Variants in RGMA observed in about 807,000 individuals in gnomAD.
RGMA encodes the protein repulsive guidance molecule A.
Under a neutral mutation model 23.2 loss-of-function variants are expected in RGMA, and 10 were observed. The ratio of observed to expected loss-of-function variants is 0.43; its 90% confidence interval spans 0.27 to 0.73. The LOEUF (loss-of-function observed/expected upper bound fraction) is 0.73. Ranked by LOEUF, RGMA falls within the 30% of genes least tolerant of loss-of-function variation. RGMA has a pLI of 0.20. For synonymous variants in RGMA, 308 were observed against 279.3 expected (o/e 1.10, Z -1.03); for missense variants, 547 against 630.5 (o/e 0.87, Z 1.42).
chr15:93,077,897 AG>A (rs1485405308), intron 1 of RGMA, among the ~76,000 whole-genome samples: 1 of 152,192 alleles, frequency 6.6e-6, no homozygotes, highest in East Asian at 1.9e-4. Context: ...CAGTAGAGAC[AG>A]GGTTTCACCA....
intron 2 of RGMA, among the ~76,000 whole-genome samples, chr15:93,063,934 A>G (rs1350064270): frequency 6.6e-6 from 1 of 152,222 alleles, no homozygotes; most frequent in Non-Finnish European, 1.5e-5. Flanking sequence ...GAGCTCAGGC[A>G]GGAGGTACTG....
intron 3 of RGMA, among the ~76,000 whole-genome samples, chr15:93,048,426 T>C (rs2054863151): frequency 6.6e-6 from 1 of 152,126 alleles, no homozygotes; most frequent in South Asian, 2.1e-4. Flanking sequence ...GCGCTGTGCT[T>C]TCTGTGCCTG....
intron 3 of RGMA, among the ~76,000 whole-genome samples, chr15:93,049,006 G>A (rs1225919007): frequency 6.6e-6 from 1 of 152,254 alleles, no homozygotes; most frequent in Non-Finnish European, 1.5e-5. Flanking sequence ...CAGCCTCCTG[G>A]AAGGCTGACA....
intron 2 of RGMA, among the ~76,000 whole-genome samples, chr15:93,054,485 A>G (rs527704486): frequency 1.5e-5 from 2 of 132,024 alleles, no homozygotes; most frequent in South Asian, 3.0e-4. Flanking sequence ...GTGGTAGTGA[A>G]TAAGTCTCAT....
rs183338401 is a variant in RGMA at position 93,048,414 on chromosome 15, C to T, written c.646-2709G>A. On this transcript the variant is annotated intron_variant, in intron 3 of 3. Transcript: ENST00000329082. ...CATGAGCCCGTTCATCTTGGGCACC[C>T]GGCGCTGTGCTTTCTGTGCCTGATG... is the stretch of plus-strand genomic sequence containing the variant. 8.5e-5 allele frequency among the ~76,000 whole-genome samples: 13 copies of T among 152,266 alleles called. No individual in the cohort carries two copies. The East Asian group carries it at 1.2e-3, about 14-fold the overall frequency.
At chr15:93,073,706 G>C in intron 1 of RGMA, 3 of 1,537,226 alleles carry the variant, frequency 2.0e-6, no homozygotes, top group Non-Finnish European at 2.6e-6. Flanking sequence ...CTGCATCTCA[G>C]CTACTAACGC....
rs770975552 is a variant in RGMA, at chr15:93,040,670, C to G, written c.*4328G>C. Reference sequence around the variant, plus strand: ...TACCATGGGACCCTGGGTTTTGTAACTGTGGTTTATTGCCTTGTCTTTCCA... The same window carrying G: ...TACCATGGGACCCTGGGTTTTGTAAGTGTGGTTTATTGCCTTGTCTTTCCA... On this transcript the variant is annotated 3_prime_UTR_variant, in exon 4 of 4. Transcript: ENST00000329082. 6.6e-6 allele frequency: 1 copy of G among 152,276 alleles called. No individual in the cohort carries two copies. Among genetic ancestry groups the G allele is most frequent in the African/African-American group, 2.4e-5 (1 of 41,444 alleles). The allele number at this position is 152,276 out of a possible 1,614,324, so 9.4% of individuals were successfully genotyped here. A position where few individuals can be genotyped will look rare whatever the true frequency, so the allele number is the denominator to read the frequency against.
chr15:93,088,898 C>A (rs1294006379), intron 1 of RGMA, 21 bp downstream of exon 1: 1 of 1,479,812 alleles, frequency 6.8e-7, no homozygotes, highest in Non-Finnish European at 8.9e-7. Flanking sequence ...CGGGTCTGCC[C>A]GGCTCCCGAC....
At position 93,036,455 on chromosome 15, in the gene RGMA, C is replaced by T. The variant is rs555550279; in HGVS notation, c.*8543G>A. On this transcript the variant is annotated 3_prime_UTR_variant, in exon 4 of 4. Transcript: ENST00000329082. Reference sequence around the variant, plus strand: ...AGGCGGTTGCCGGAGTTTTCCTGCTCCACCCTGGGGAGGGACCCCTGGCCC... The same window carrying T: ...AGGCGGTTGCCGGAGTTTTCCTGCTTCACCCTGGGGAGGGACCCCTGGCCC... 6.6e-5 allele frequency: 10 copies of T among 152,458 alleles called. 1 individual carries two copies. Among genetic ancestry groups the T allele is most frequent in the Admixed American group, 6.5e-4 (10 of 15,310 alleles). 9.4% of individuals were successfully genotyped at this position (152,458 alleles called of 1,614,324 possible).
intron 1 of RGMA, among the ~76,000 whole-genome samples, chr15:93,086,954 G>C (rs562960269): frequency 1.3e-5 from 2 of 152,138 alleles, no homozygotes. Flanking sequence ...CTAAGACCTC[G>C]TCTGTCACAA....
chr15:93,036,944 A>C lies in RGMA; in HGVS notation c.*8054T>G, dbSNP rs2054667838. The C allele has an allele frequency of 6.6e-6, 1 of 152,140 alleles. No homozygotes were observed. 9.4% of individuals were successfully genotyped at this position (152,140 alleles called of 1,614,324 possible). A position where few individuals can be genotyped will look rare whatever the true frequency, so the allele number is the denominator to read the frequency against. On this transcript the variant is annotated 3_prime_UTR_variant, in exon 4 of 4. Coordinates refer to ENST00000329082, the MANE Select transcript of RGMA (RefSeq NM_020211.3). ...AATGCAGGACTCGTTTCTATTTCCCAAGGAGGTAGACGTGGTGTCCAGAGG... is the reference window on the plus strand; with the variant it reads ...AATGCAGGACTCGTTTCTATTTCCCCAGGAGGTAGACGTGGTGTCCAGAGG...
intron 3 of RGMA, among the ~76,000 whole-genome samples, chr15:93,047,503 C>T (rs944191084): frequency 5.3e-5 from 8 of 152,306 alleles, no homozygotes; most frequent in Non-Finnish European, 1.2e-4. Flanking sequence ...TGCTGCACTA[C>T]CCTCTCCCAG....
intron 1 of RGMA, among the ~76,000 whole-genome samples, chr15:93,075,075 A>G (rs12900270): frequency 0.23 from 34,453 of 151,232 alleles, 4,680 homozygotes; most frequent in East Asian, 0.56. Context: ...TTGCCCAAGA[A>G]TGGACTTTTC....
intron 2 of RGMA, among the ~76,000 whole-genome samples, chr15:93,061,764 A>T (rs1055665121): frequency 2.6e-5 from 4 of 152,216 alleles, no homozygotes; most frequent in African/African-American, 9.6e-5. Flanking sequence ...TGCACCAATG[A>T]AGCACTAGCT....
At position 93,045,125 on chromosome 15, in the gene RGMA, T is replaced by A. The variant is rs2054798502; in HGVS notation, c.1226A>T (p.Asp409Val). 1.9e-6 allele frequency: 3 copies of A among 1,596,278 alleles called. No individual in the cohort carries two copies. The highest frequency in any genetic ancestry group is 2.6e-6 in the Non-Finnish European group (3 of 1,171,502). Residue 409 changes from aspartate (D) to valine (V), a missense_variant, in exon 4 of 4, where the codon GAC becomes GTC. Physicochemically the swap from Asp to Val is radical, Grantham distance 152. This residue lies in a region of RGMA where 205 missense variants were observed against 204.1 expected (regional missense o/e 1.00). Transcript: ENST00000329082. This position sits in a 1 kb window ranked among gnomAD's most constrained non-coding sequence, Gnocchi z 6.9. ...EDVKMLHSNK[D>V]KLHLYERTRD... is the part of the protein sequence containing the mutation. ...AGTCCTCTCATACAGGTGCAGTTTG[T>A]CTTTGTTGGAGTGGAGCATCTTGAC...
chr15:93,059,393 T>A (rs2055066688), intron 2 of RGMA, among the ~76,000 whole-genome samples: 1 of 152,326 alleles, frequency 6.6e-6, no homozygotes, highest in Non-Finnish European at 1.5e-5. Flanking sequence ...GTTTCCCAGG[T>A]GTCCCAAACT....
At chr15:93,087,961 T>G (rs759759829) in intron 1 of RGMA, among the ~76,000 whole-genome samples, 1 of 152,108 alleles carries the variant, frequency 6.6e-6, no homozygotes, top group Non-Finnish European at 1.5e-5. Flanking sequence ...TGCGGGAGAC[T>G]ACTTTGAGAA....
intron 3 of RGMA, among the ~76,000 whole-genome samples, chr15:93,046,378 A>C (rs929898831): frequency 1.3e-5 from 2 of 152,334 alleles, no homozygotes; most frequent in Non-Finnish European, 2.9e-5. Context: ...AGTCTCCAGG[A>C]CCAGCCCTGC....
chr15:93,074,935 C>T (rs1280848328), intron 1 of RGMA, among the ~76,000 whole-genome samples: 2 of 152,154 alleles, frequency 1.3e-5, no homozygotes, highest in Non-Finnish European at 2.9e-5. Context: ...ACTGGCATTC[C>T]AAGTCACCTG....
Sources: allele counts gnomAD v4.1 joint callset (sites outside exome capture counted in the v4.1 genomes callset), GRCh38; gene constraint gnomAD v4.1.1; regional missense constraint gnomAD v4.1.1; non-coding constraint Gnocchi (gnomAD v3.1); transcripts MANE v1.5; gene names NCBI Gene and HGNC (gene_info 2026-07-23, HGNC 2026-07-21).